The following MAP7 variants were observed in gnomAD, a reference collection of about 807,000 sequenced individuals.
MAP7 encodes the protein ensconsin.
Under a neutral mutation model 94.8 loss-of-function variants are expected in MAP7, and 52 were observed. That is an observed-to-expected ratio of 0.55 (90% confidence interval 0.44 to 0.69). The LOEUF (loss-of-function observed/expected upper bound fraction) is 0.69. MAP7 is among the 30% of genes least tolerant of loss of function. The pLI is 0.00. For synonymous variants in MAP7, 350 were observed against 357.0 expected (o/e 0.98, Z 0.22); for missense variants, 940 against 964.6 (o/e 0.97, Z 0.34).
At chr6:136,405,753 C>T (rs1190294165) in intron 3 of MAP7, among the ~76,000 whole-genome samples, 1 of 152,182 alleles carries the variant, frequency 6.6e-6, no homozygotes, top group African/African-American at 2.4e-5. Context: ...GGTGAAAGAT[C>T]TAGCTGTCTT....
intron 16 of MAP7, among the ~76,000 whole-genome samples, chr6:136,354,393 T>G (rs1790221793): frequency 7.3e-6 from 1 of 137,366 alleles, no homozygotes; most frequent in South Asian, 2.1e-4. Context: ...ATATAGTAGA[T>G]ATATATATAT....
chr6:136,531,489 G>A (rs1828472681), intron 1 of MAP7, among the ~76,000 whole-genome samples: 1 of 144,612 alleles, frequency 6.9e-6, no homozygotes, highest in Non-Finnish European at 1.5e-5. Context: ...TTTGGGGCAT[G>A]CCATCAGAGA....
chr6:136,393,936 G>A (rs1362602589), intron 3 of MAP7, among the ~76,000 whole-genome samples: 1 of 149,674 alleles, frequency 6.7e-6, no homozygotes, highest in Non-Finnish European at 1.5e-5. Flanking sequence ...CCCAACGCCT[G>A]GCCTAGCATT....
intron 16 of MAP7, among the ~76,000 whole-genome samples, chr6:136,350,847 G>T (rs1788981482): frequency 6.6e-6 from 1 of 152,168 alleles, no homozygotes; most frequent in African/African-American, 2.4e-5. Context: ...GACAGAGCAA[G>T]ACTCTGTTTT....
intron 1 of MAP7, among the ~76,000 whole-genome samples, chr6:136,507,286 A>G (rs1821827456): frequency 6.6e-6 from 1 of 151,906 alleles, no homozygotes; most frequent in Non-Finnish European, 1.5e-5. Context: ...CACATCCCAC[A>G]GTTCCCTCTC....
chr6:136,468,102 A>G (rs1807713174), intron 1 of MAP7, among the ~76,000 whole-genome samples: 1 of 151,954 alleles, frequency 6.6e-6, no homozygotes. Flanking sequence ...GCGTGTGACC[A>G]CCACTCCCCA....
At chr6:136,466,039 C>T (rs187484882) in intron 1 of MAP7, among the ~76,000 whole-genome samples, 103 of 152,202 alleles carry the variant, frequency 6.8e-4, no homozygotes, top group African/African-American at 2.1e-3. Flanking sequence ...AGTTACTCCC[C>T]GAAATGTAGT....
chr6:136,454,318 T>TCTAC (rs2128891058), intron 1 of MAP7, among the ~76,000 whole-genome samples: 1 of 151,046 alleles, frequency 6.6e-6, no homozygotes, highest in Non-Finnish European at 1.5e-5. Flanking sequence ...TATCTATCTA[T>TCTAC]CTATCTGAGA....
intron 1 of MAP7, among the ~76,000 whole-genome samples, chr6:136,503,175 A>T (rs1820304480): frequency 6.6e-6 from 1 of 152,208 alleles, no homozygotes; most frequent in African/African-American, 2.4e-5. Flanking sequence ...CTCTCCTCAG[A>T]AATCTTCCCC....
At chr6:136,437,343 C>T (rs1329613345) in intron 1 of MAP7, among the ~76,000 whole-genome samples, 1 of 152,072 alleles carries the variant, frequency 6.6e-6, no homozygotes, top group Non-Finnish European at 1.5e-5. Flanking sequence ...CATCCCCAAG[C>T]CCTTGGCCCA....
chr6:136,457,176 A>G (rs1327746078), intron 1 of MAP7, among the ~76,000 whole-genome samples: 1 of 151,972 alleles, frequency 6.6e-6, no homozygotes. Context: ...TTAAACAATT[A>G]TATGCTAACA....
chr6:136,416,604 A>G (rs185083589), intron 2 of MAP7, among the ~76,000 whole-genome samples: 4 of 152,088 alleles, frequency 2.6e-5, no homozygotes, highest in African/African-American at 9.6e-5. Context: ...TCAGGAGTTC[A>G]AGACCAGCCT....
intron 1 of MAP7, among the ~76,000 whole-genome samples, chr6:136,478,570 GAAA>G (rs1282312606): frequency 6.6e-6 from 1 of 151,550 alleles, no homozygotes; most frequent in Non-Finnish European, 1.5e-5. Context: ...GAACAACTAA[GAAA>G]AAAAGAGACA....
At chr6:136,426,453 T>A (rs887508049) in intron 1 of MAP7, among the ~76,000 whole-genome samples, 1 of 152,198 alleles carries the variant, frequency 6.6e-6, no homozygotes. Context: ...ATTGCAACAA[T>A]AGACCGATTC....
chr6:136,514,406 G>A (rs1392811719), intron 1 of MAP7, among the ~76,000 whole-genome samples: 8 of 152,006 alleles, frequency 5.3e-5, no homozygotes, highest in South Asian at 2.1e-4. Context: ...CCAACATGGC[G>A]AAACCCTGTC....
rs567805283 is a variant in MAP7, at chr6:136,489,077, C to A, written c.67+61265G>T. Among the ~76,000 whole-genome samples the A allele has an allele frequency of 2.2e-3, 328 of 152,154 alleles. 5 individuals carry two copies. The highest frequency in any genetic ancestry group is 2.4e-3 in the Non-Finnish European group (164 of 68,020). On this transcript the variant is annotated intron_variant, in intron 1 of 17. Coordinates refer to ENST00000354570, the MANE Select transcript of MAP7 (RefSeq NM_003980.6). Reference sequence around the variant, plus strand: ...CTCCGATTTCTGGTTTTAATAGGCACAGAAAGAGATCAGTAGGTGCTCATC... The same window carrying A: ...CTCCGATTTCTGGTTTTAATAGGCAAAGAAAGAGATCAGTAGGTGCTCATC...
rs139706743 is a variant in MAP7 at position 136,526,277 on chromosome 6, G to GCGCACACA, written c.67+24064_67+24065insTGTGTGCG. The GCGCACACA allele has an allele frequency of 1.1e-4, 107 of 936,408 alleles. No individual in the cohort carries two copies. The African/African-American group carries it at 1.7e-3, about 15-fold the overall frequency. 58.0% of individuals were successfully genotyped at this position (936,408 alleles called of 1,614,324 possible). On this transcript the variant is annotated intron_variant, in intron 1 of 17. Coordinates refer to ENST00000354570, the MANE Select transcript of MAP7 (RefSeq NM_003980.6). ...CTCATGCATGCACGTACACGCGCGCGCACACACACACACACACACACACTC... is the reference window on the plus strand; with the variant it reads ...CTCATGCATGCACGTACACGCGCGCGCGCACACACACACACACACACACACACACACTC...
intron 1 of MAP7, among the ~76,000 whole-genome samples, chr6:136,438,315 A>G (rs1427524443): frequency 2.0e-5 from 3 of 152,236 alleles, no homozygotes; most frequent in Admixed American, 2.0e-4. Flanking sequence ...ATCCACATTT[A>G]ACACTGAAAA....
intron 11 of MAP7, 147 bp downstream of exon 11, chr6:136,362,303 A>G (rs1443981602): frequency 6.0e-6 from 6 of 1,002,300 alleles, no homozygotes; most frequent in Non-Finnish European, 8.8e-6. Flanking sequence ...ACTGCTTAGT[A>G]GTCATAGGAA....
Sources: gnomAD v4.1 joint callset for allele counts (sites outside exome capture counted in the v4.1 genomes callset) on GRCh38, gnomAD v4.1.1 for gene constraint, MANE v1.5 for transcripts, NCBI Gene and HGNC (gene_info 2026-07-23, HGNC 2026-07-21) for gene names.